KIF21B: variants seen among roughly 807,000 people sequenced by gnomAD.
KIF21B encodes kinesin-like protein KIF21B.
KIF21B carries 85 observed loss-of-function variants against 192.9 expected under a neutral mutation model. The observed-to-expected ratio is 0.44, with a 90% CI of 0.37 to 0.53. The LOEUF (loss-of-function observed/expected upper bound fraction) is 0.53. KIF21B is among the 20% of genes least tolerant of loss of function. The pLI, the probability that KIF21B is intolerant of heterozygous loss-of-function variation, is 0.00. For synonymous variants in KIF21B, 832 were observed against 884.6 expected (o/e 0.94, Z 1.05); for missense variants, 1,716 against 2,194.8 (o/e 0.78, Z 4.36).
intron 28 of KIF21B, among the ~76,000 whole-genome samples, chr1:200,981,505 C>T (rs1655926426): frequency 6.6e-6 from 1 of 152,180 alleles, no homozygotes; most frequent in African/African-American, 2.4e-5. Context: ...TAGCTTCCAC[C>T]AGAAGCTGCA....
intron 21 of KIF21B, 76 bp from the exon 22 acceptor site, chr1:200,989,007 C>A: frequency 7.0e-7 from 1 of 1,423,434 alleles, no homozygotes; most frequent in Non-Finnish European, 9.4e-7. Flanking sequence ...ACCTGCACCC[C>A]TCAAGACACC....
At chr1:201,015,448 T>A (rs1287895061) in intron 1 of KIF21B, among the ~76,000 whole-genome samples, 1 of 152,236 alleles carries the variant, frequency 6.6e-6, no homozygotes, top group Non-Finnish European at 1.5e-5. Flanking sequence ...CCTGATGCCT[T>A]TCTGGAATCT....
In KIF21B at chr1:200,989,977, G is replaced by A. The variant is rs201889901; in HGVS notation, c.3097C>T (p.Leu1033=). 2.3e-3 allele frequency: 3,747 copies of A among 1,614,048 alleles called. 102 individuals are homozygous for A. In the South Asian group the frequency reaches 0.039, roughly 17 times the overall value. ...SSCSLAEARL[L]LDNFLKASID... ...GATGCCTTGAGGAAGTTGTCTAGCA[G>A]GAGGCGGGCTTCAGCCAGGGAGCAG... Residue 1033 remains leucine, a synonymous_variant, in exon 21 of 35, where the codon CTG becomes TTG. Transcript: ENST00000461742.
intron 1 of KIF21B, among the ~76,000 whole-genome samples, chr1:201,010,709 A>G (rs1355414542): frequency 6.6e-6 from 1 of 152,060 alleles, no homozygotes; most frequent in Non-Finnish European, 1.5e-5. Flanking sequence ...CCAGGCCAGC[A>G]CCCATCCTGG....
At chr1:201,014,014 C>A (rs1200402316) in intron 1 of KIF21B, among the ~76,000 whole-genome samples, 1 of 152,192 alleles carries the variant, frequency 6.6e-6, no homozygotes, top group East Asian at 1.9e-4. Flanking sequence ...GAAAGGCCCC[C>A]GGAATCTCCC....
intron 26 of KIF21B, among the ~76,000 whole-genome samples, chr1:200,986,375 T>C (rs1656304065): frequency 6.6e-6 from 1 of 151,474 alleles, no homozygotes; most frequent in South Asian, 2.1e-4. Flanking sequence ...TTTTTTTTTT[T>C]GAGACAGAGT....
chr1:201,007,365 CACACACAGAG>C lies in KIF21B; in HGVS notation c.447+1394_447+1403del, dbSNP rs796862722. Reference sequence around the variant, plus strand: ...ACACAGAGACACATAGACACACACACACACACAGAGACAGAGACACACAGACACACACACG... The same window carrying C: ...ACACAGAGACACATAGACACACACACACAGAGACACACAGACACACACACG... On this transcript the variant is annotated intron_variant, in intron 3 of 34. Coordinates refer to ENST00000461742, the MANE Select transcript of KIF21B (RefSeq NM_001252102.2). Among the ~76,000 whole-genome samples the C allele has an allele frequency of 1.9e-4, 10 of 52,892 alleles. 1 individual carries two copies. Among genetic ancestry groups the C allele is most frequent in the African/African-American group, 6.1e-4 (3 of 4,940 alleles). 34.7% of individuals were successfully genotyped at this position (52,892 alleles called of 152,430 possible).
intron 28 of KIF21B, among the ~76,000 whole-genome samples, chr1:200,981,385 C>A (rs550914842): frequency 6.6e-6 from 1 of 152,222 alleles, no homozygotes; most frequent in East Asian, 1.9e-4. Context: ...GGTGTGGGCT[C>A]TGTCCACAGA....
intron 16 of KIF21B, 84 bp from the exon 17 acceptor site, chr1:200,991,809 T>C: frequency 1.4e-6 from 2 of 1,406,868 alleles, no homozygotes; most frequent in East Asian, 2.4e-5. Flanking sequence ...AGCCCTGTAG[T>C]TGAAAGCCTG....
chr1:200,993,957 T>TA (rs34034547), intron 15 of KIF21B, among the ~76,000 whole-genome samples: 44,102 of 151,686 alleles, frequency 0.29, 6,555 homozygotes, highest in Middle Eastern at 0.32. Context: ...CCCAAAGGAC[T>TA]GGAAGAACAA....
In KIF21B at chr1:201,003,476, G is replaced by T. The variant is rs940478892; in HGVS notation, c.1212+110C>A. On this transcript the variant is annotated intron_variant, in intron 8 of 34. Coordinates refer to ENST00000461742, the MANE Select transcript of KIF21B (RefSeq NM_001252102.2). Reference sequence around the variant, plus strand: ...ATGTCCAAAGTGGATGATGGTAATAGGGAGGTGGGAGGGATGCTGAGGAAG... The same window carrying T: ...ATGTCCAAAGTGGATGATGGTAATATGGAGGTGGGAGGGATGCTGAGGAAG... The T allele has an allele frequency of 2.9e-6, 3 of 1,051,210 alleles. No homozygotes were observed. In the African/African-American group the frequency reaches 4.7e-5, roughly 16 times the overall value. The allele number at this position is 1,051,210 out of a possible 1,614,324, so 65.1% of individuals were successfully genotyped here. A position where few individuals can be genotyped will look rare whatever the true frequency, so the allele number is the denominator to read the frequency against.
intron 1 of KIF21B, among the ~76,000 whole-genome samples, chr1:201,011,359 A>G (rs1658224394): frequency 6.6e-6 from 1 of 152,238 alleles, no homozygotes; most frequent in South Asian, 2.1e-4. Flanking sequence ...CTGGGAGGTG[A>G]CGATTATGAC....
Position 201,000,010 on chromosome 1 carries a change from C to A in KIF21B, c.1686-46G>T. The A allele has an allele frequency of 5.1e-6, 8 of 1,560,116 alleles. No homozygotes were observed. Among genetic ancestry groups the A allele is most frequent in the Non-Finnish European group, 7.1e-6 (8 of 1,133,040 alleles). ...AGCTGGATTAGGAAGGCTGCCCCTGCCCTGAGCACATGGGCAGGACGGCGG... is the reference window on the plus strand; with the variant it reads ...AGCTGGATTAGGAAGGCTGCCCCTGACCTGAGCACATGGGCAGGACGGCGG... On this transcript the variant is annotated intron_variant, in intron 11 of 34. Coordinates refer to ENST00000461742, the MANE Select transcript of KIF21B (RefSeq NM_001252102.2). This position sits in a 1 kb window ranked among gnomAD's most constrained non-coding sequence, Gnocchi z 6.0.
In KIF21B at chr1:200,982,317, G is replaced by A. The variant is rs887873300; in HGVS notation, c.3842+739C>T. Among the ~76,000 whole-genome samples the A allele has an allele frequency of 3.3e-5, 5 of 152,282 alleles. No homozygotes were observed. The highest frequency in any genetic ancestry group is 3.9e-4 in the East Asian group (2 of 5,176). ...CATGATTCACAGTAAACCAGTTGTC[G>A]ACACTCAGGGCTGGAGGCTCGAGGA... On this transcript the variant is annotated intron_variant, in intron 28 of 34. Transcript: ENST00000461742. The surrounding 1 kb of genome is among the most constrained non-coding windows in gnomAD (Gnocchi z 4.7).
rs892302781 is a variant in KIF21B at position 201,000,195 on chromosome 1, T to TG, written c.1685+194dup. Among the ~76,000 whole-genome samples, 10 of 151,962 alleles carry TG rather than the reference T, an allele frequency of 6.6e-5. No homozygotes were observed. The highest frequency in any genetic ancestry group is 1.0e-4 in the Non-Finnish European group (7 of 67,946). Reference sequence around the variant, plus strand: ...GGAAAGCAGATGGCATAGGAGAACGTGGGGGAGGGAGGTTGCCCAAAAGGC... The same window carrying TG: ...GGAAAGCAGATGGCATAGGAGAACGTGGGGGGAGGGAGGTTGCCCAAAAGGC... On this transcript the variant is annotated intron_variant, in intron 11 of 34. Coordinates refer to ENST00000461742, the MANE Select transcript of KIF21B (RefSeq NM_001252102.2). This position sits in a 1 kb window ranked among gnomAD's most constrained non-coding sequence, Gnocchi z 6.0.
intron 14 of KIF21B, among the ~76,000 whole-genome samples, chr1:200,997,976 T>C (rs1341362662): frequency 6.6e-6 from 1 of 152,136 alleles, no homozygotes; most frequent in Non-Finnish European, 1.5e-5. Flanking sequence ...ATGTGTTTGC[T>C]GAATAAGTAA....
At chr1:201,012,814 T>A (rs1658311759) in intron 1 of KIF21B, among the ~76,000 whole-genome samples, 1 of 152,144 alleles carries the variant, frequency 6.6e-6, no homozygotes, top group Non-Finnish European at 1.5e-5. Context: ...CATCTAATTT[T>A]TATATTTTTT....
chr1:201,020,808 T>TACACACACACACACACACACACACACAC (rs60686711), intron 1 of KIF21B, among the ~76,000 whole-genome samples: 1 of 142,816 alleles, frequency 7.0e-6, no homozygotes, highest in Non-Finnish European at 1.5e-5. Flanking sequence ...CTCTCTCCTC[T>TACACACACACACACACACACACACACAC]ACACACACAC....
At chr1:201,010,750 G>A (rs1324810405) in intron 1 of KIF21B, among the ~76,000 whole-genome samples, 1 of 152,212 alleles carries the variant, frequency 6.6e-6, no homozygotes, top group Non-Finnish European at 1.5e-5. Context: ...AGAGTCTAGG[G>A]CCTCCAAGTC....
Sources: gnomAD v4.1 joint callset for allele counts (sites outside exome capture counted in the v4.1 genomes callset) on GRCh38, gnomAD v4.1.1 for gene constraint, Gnocchi (gnomAD v3.1) non-coding constraint, MANE v1.5 for transcripts, NCBI Gene and HGNC (gene_info 2026-07-23, HGNC 2026-07-21) for gene names.